Variants in RIMS2 observed in about 807,000 individuals in gnomAD.
RIMS2 encodes regulating synaptic membrane exocytosis protein 2.
RIMS2 carries 59 observed loss-of-function variants against 174.4 expected under a neutral mutation model. The ratio of observed to expected loss-of-function variants is 0.34; its 90% confidence interval spans 0.27 to 0.42. The LOEUF is 0.42. RIMS2 is among the 10% of genes least tolerant of loss of function. RIMS2 has a pLI of 1.00. For synonymous variants in RIMS2, 606 were observed against 572.5 expected, an observed-to-expected ratio of 1.06 and a Z score of -0.84; for missense variants, 1,620 against 1,666.3, an observed-to-expected ratio of 0.97 and a Z score of 0.48.
At chr8:104,039,651 G>A (rs1019373104) in intron 19 of RIMS2, among the ~76,000 whole-genome samples, 9 of 151,828 alleles carry the variant, frequency 5.9e-5, no homozygotes, top group Non-Finnish European at 1.3e-4. Flanking sequence ...AACTATTTTA[G>A]TAGTATGGAA....
chr8:103,529,628 AC>A (rs1836007874), intron 1 of RIMS2, among the ~76,000 whole-genome samples: 1 of 152,158 alleles, frequency 6.6e-6, no homozygotes, highest in South Asian at 2.1e-4. Context: ...CTCTGCACCC[AC>A]GGTCCTGCAC....
chr8:103,681,201 G>A (rs1007576010), intron 1 of RIMS2, among the ~76,000 whole-genome samples: 7 of 151,980 alleles, frequency 4.6e-5, no homozygotes, highest in African/African-American at 1.7e-4. Context: ...TTTACCAGCT[G>A]TTTGACTATG....
At chr8:103,606,823 C>T (rs2095115790) in intron 1 of RIMS2, among the ~76,000 whole-genome samples, 2 of 151,522 alleles carry the variant, frequency 1.3e-5, no homozygotes, top group Admixed American at 6.6e-5. Flanking sequence ...AGGATTGCAA[C>T]CCCTGCCTTT....
chr8:103,682,971 C>T (rs2096898113), intron 1 of RIMS2, among the ~76,000 whole-genome samples: 1 of 152,108 alleles, frequency 6.6e-6, no homozygotes, highest in Non-Finnish European at 1.5e-5. Context: ...TAGTTACTAG[C>T]TCTGCTACTA....
At chr8:104,211,258 T>G (rs565821250) in intron 19 of RIMS2, among the ~76,000 whole-genome samples, 12 of 152,252 alleles carry the variant, frequency 7.9e-5, no homozygotes, top group African/African-American at 2.6e-4. Context: ...ATAATATTTA[T>G]GAGAAAAAGA....
chr8:103,995,709 A>G (rs139028288), intron 17 of RIMS2, among the ~76,000 whole-genome samples: 53 of 152,154 alleles, frequency 3.5e-4, no homozygotes, highest in African/African-American at 1.3e-3. Context: ...TAAGGTACCT[A>G]TGTGATCAGA....
intron 19 of RIMS2, among the ~76,000 whole-genome samples, chr8:104,237,815 T>C (rs2441797): frequency 0.19 from 28,351 of 152,096 alleles, 2,897 homozygotes; most frequent in Non-Finnish European, 0.23. Context: ...TTTAGACTTT[T>C]AGAGATTTGA....
At chr8:103,543,609 A>G (rs1374025793) in intron 1 of RIMS2, among the ~76,000 whole-genome samples, 1 of 152,194 alleles carries the variant, frequency 6.6e-6, no homozygotes, top group Non-Finnish European at 1.5e-5. Flanking sequence ...AAAATCTCCA[A>G]AGCTATAGTA....
At chr8:104,030,934 G>A (rs939560760) in intron 19 of RIMS2, among the ~76,000 whole-genome samples, 2 of 151,934 alleles carry the variant, frequency 1.3e-5, no homozygotes, top group African/African-American at 4.8e-5. Context: ...ATGGGGTTTT[G>A]CCTGTTTTGT....
At chr8:103,617,326 G>A (rs775396029) in intron 1 of RIMS2, among the ~76,000 whole-genome samples, 3 of 152,124 alleles carry the variant, frequency 2.0e-5, no homozygotes, top group Non-Finnish European at 4.4e-5. Context: ...GATTGAAGCT[G>A]GACTCCTTCC....
chr8:103,880,724 G>A, intron 3 of RIMS2: 2 of 476,614 alleles, frequency 4.2e-6, no homozygotes, highest in Non-Finnish European at 7.6e-6. Flanking sequence ...TCTTAATTGT[G>A]ATATGTAAAA....
intron 19 of RIMS2, chr8:104,094,856 C>G (rs907124695): frequency 3.6e-6 from 2 of 554,422 alleles, no homozygotes; most frequent in East Asian, 5.8e-5. Context: ...TCTAATATTA[C>G]TAATTAATAT....
chr8:104,027,864 G>A (rs1388504967), intron 19 of RIMS2, among the ~76,000 whole-genome samples: 1 of 152,116 alleles, frequency 6.6e-6, no homozygotes, highest in Non-Finnish European at 1.5e-5. Flanking sequence ...AGGGTCAAAT[G>A]TGATGCCATC....
chr8:104,077,449 A>G (rs1302889359), intron 19 of RIMS2, among the ~76,000 whole-genome samples: 1 of 151,762 alleles, frequency 6.6e-6, no homozygotes, highest in Admixed American at 6.6e-5. Context: ...GATACTTTTA[A>G]AAGCCTAAAA....
chr8:103,807,992 T>C (rs2098661447), intron 3 of RIMS2, among the ~76,000 whole-genome samples: 1 of 152,064 alleles, frequency 6.6e-6, no homozygotes, highest in African/African-American at 2.4e-5. Flanking sequence ...AAAAATTTTA[T>C]TTGCTTACCT....
At chr8:103,574,962 G>T (rs538904467) in intron 1 of RIMS2, among the ~76,000 whole-genome samples, 1 of 152,254 alleles carries the variant, frequency 6.6e-6, no homozygotes, top group African/African-American at 2.4e-5. Context: ...TATCAGCATT[G>T]TAGCTATTAA....
chr8:104,252,659 A>G (rs1683079763), downstream of RIMS2: 1 of 152,192 alleles, frequency 6.6e-6, no homozygotes, highest in African/African-American at 2.4e-5. Context: ...CACCATGTTT[A>G]TTCTTTAATC....
At chr8:103,860,636 G>C (rs538701505) in intron 3 of RIMS2, among the ~76,000 whole-genome samples, 1 of 152,024 alleles carries the variant, frequency 6.6e-6, no homozygotes, top group East Asian at 1.9e-4. Context: ...TGAGGGCTTA[G>C]TGAAAGAGTG....
rs75734397 is a variant in RIMS2 at position 104,171,611 on chromosome 8, C to T, written c.3335-73305C>T. ...CTGTTATCTCTTTGAGTAGCTTAAT[C>T]ATCAACCTTCTGAATTTTTTATCTG... On this transcript the variant is annotated intron_variant, in intron 19 of 23. Coordinates refer to ENST00000504942, the Ensembl canonical transcript of RIMS2. Among the ~76,000 whole-genome samples, 70 of 152,058 alleles carry T rather than the reference C, an allele frequency of 4.6e-4. No individual in the cohort carries two copies. The East Asian group carries it at 0.013, about 28-fold the overall frequency.
Sources: allele counts gnomAD v4.1 joint callset (sites outside exome capture counted in the v4.1 genomes callset), GRCh38; gene constraint gnomAD v4.1.1; transcripts MANE v1.5; gene names NCBI Gene and HGNC (gene_info 2026-07-23, HGNC 2026-07-21).